The following AKAP17A variants were observed in gnomAD, a reference collection of about 807,000 sequenced individuals.
AKAP17A encodes A-kinase anchoring protein 17A, also known as A-kinase anchor protein 17A.
A neutral mutation model predicts 52.2 loss-of-function variants in AKAP17A; 15 were observed. That is an observed-to-expected ratio of 0.29 (90% confidence interval 0.19 to 0.44). The LOEUF (loss-of-function observed/expected upper bound fraction) is 0.44, where lower values mean the gene tolerates loss of function less well. AKAP17A is among the 20% of genes least tolerant of loss of function. The pLI is 1.00. For missense variants in AKAP17A, 1,060 were observed against 1,007.0 expected (o/e 1.05, Z -0.71); for synonymous variants, 514 against 424.7 (o/e 1.21, Z -2.58).
chrX:1,598,160 T>G lies in AKAP17A; in HGVS notation c.912-1032T>G, dbSNP rs1438087952. ...CCTAAGGGCGTGCTGTGTGCTGGGC[T>G]GCCCTGAGCCGCCCTCCGAGCTCGT... On this transcript the variant is annotated intron_variant, in intron 3 of 4. Transcript: ENST00000313871. Among the ~76,000 whole-genome samples, 18 of 152,308 alleles carry G rather than the reference T, an allele frequency of 1.2e-4. 1 individual carries two copies. The East Asian group carries it at 1.4e-3, about 11-fold the overall frequency.
Position 1,594,205 on chromosome X carries a change from C to T in AKAP17A, c.743C>T (p.Ala248Val). 6.5e-7 allele frequency: 1 copy of T among 1,543,110 alleles called. No individual in the cohort carries two copies. The change falls in exon 2 of 5, where the codon GCC becomes GTC. Residue 248 changes from alanine to valine, a missense_variant. Ala to Val is a moderately conservative substitution (Grantham distance 64). Transcript: ENST00000313871. ...KLMYKGEDGK[A>V]VACNIKVSFD... is the part of the protein sequence containing the mutation. ...ATGTACAAGGGCGAGGACGGCAAGG[C>T]CGTGGCCTGCAACATCAAGGTGAGT...
chrX:1,597,133 G>A (rs774132839), intron 3 of AKAP17A, among the ~76,000 whole-genome samples: 116 of 152,336 alleles, frequency 7.6e-4, no homozygotes, highest in Admixed American at 3.1e-3. Context: ...GCTGGTGCCA[G>A]CGTGTTGATG....
chrX:1,600,239 C>A, intron 4 of AKAP17A: 5 of 1,289,606 alleles, frequency 3.9e-6, no homozygotes, highest in Admixed American at 2.3e-5. Flanking sequence ...CCAGGCTAGG[C>A]CAGGCTCGCC....
chrX:1,600,866 G>T lies in AKAP17A; in HGVS notation c.1360G>T (p.Asp454Tyr). 3 of 1,588,524 alleles carry T rather than the reference G, an allele frequency of 1.9e-6. No individual in the cohort carries two copies. Among genetic ancestry groups the T allele is most frequent in the Non-Finnish European group, 2.6e-6 (3 of 1,171,688 alleles). Residue 454 changes from aspartate to tyrosine, a missense_variant, in exon 5 of 5, where the codon GAC becomes TAC. Coordinates refer to ENST00000313871, the MANE Select transcript of AKAP17A (RefSeq NM_005088.3). ...GAAGCCGGACGACAGCCACACACAC[G>T]ACGAGCTGGGCGTGGCACACGCCGA... Reference protein sequence around the residue: ...SKKPDDSHTHDELGVAHADLL... With the variant: ...SKKPDDSHTHYELGVAHADLL...
chrX:1,595,632 G>T, intron 3 of AKAP17A, 100 bp downstream of exon 3: 1 of 1,541,966 alleles, frequency 6.5e-7, no homozygotes, highest in Non-Finnish European at 8.9e-7. Context: ...GTGCGTGTGT[G>T]TGTGCATGCA....
At chrX:1,598,346 G>A (rs190094432) in intron 3 of AKAP17A, among the ~76,000 whole-genome samples, 3 of 152,130 alleles carry the variant, frequency 2.0e-5, no homozygotes, top group African/African-American at 7.2e-5. Flanking sequence ...TTTTCTCCCG[G>A]CCTGCTCCTC....
intron 3 of AKAP17A, among the ~76,000 whole-genome samples, chrX:1,597,151 C>G (rs1196479937): frequency 6.6e-6 from 1 of 152,162 alleles, no homozygotes; most frequent in Non-Finnish European, 1.5e-5. Context: ...ATGTGTGTGG[C>G]TGGTGATGTT....
chrX:1,595,430 A>T lies in AKAP17A; in HGVS notation c.809A>T (p.Lys270Met), dbSNP rs1201032108. The change falls in exon 3 of 5, where the codon AAG becomes ATG. Residue 270 changes from lysine (K) to methionine (M), a missense_variant. Physicochemically the swap from Lys to Met is moderately conservative, Grantham distance 95. Transcript: ENST00000313871. ...TKHLSDASIK[K>M]RQLERQKLQE... ...CACCTGAGTGATGCCTCAATTAAGA[A>T]GCGGCAGCTGGAGAGGCAGAAGCTT... 4 of 1,613,898 alleles carry T rather than the reference A, an allele frequency of 2.5e-6. No individual in the cohort carries two copies. The highest frequency in any genetic ancestry group is 3.4e-6 in the Non-Finnish European group (4 of 1,179,896).
Position 1,593,960 on chromosome X carries a change from C to T in AKAP17A, c.498C>T (p.Ser166=), listed in dbSNP as rs139798435. 6.2e-4 allele frequency: 998 copies of T among 1,604,268 alleles called. 6 individuals are homozygous for T. In the African/African-American group the frequency reaches 0.012, roughly 19 times the overall value. Residue 166 remains serine, a synonymous_variant, in exon 2 of 5, where the codon TCC becomes TCT. Coordinates refer to ENST00000313871, the MANE Select transcript of AKAP17A (RefSeq NM_005088.3). ...GGTTCGCCCTGAAGGAGTCGGGCTC[C>T]GAGAAGCCCAGCGAGGACGTCCTGG... ...CKWFALKESG[S]EKPSEDVLVK...
chrX:1,594,358 C>T, intron 2 of AKAP17A, 134 bp downstream of exon 2: 1 of 1,063,756 alleles, frequency 9.4e-7, no homozygotes, highest in East Asian at 2.7e-5. Flanking sequence ...CAGCAACAGT[C>T]CTGTGCCTGT....
chrX:1,595,258 C>CT, intron 2 of AKAP17A, 126 bp from the exon 3 acceptor site: 1 of 215,866 alleles, frequency 4.6e-6, no homozygotes, highest in Non-Finnish European at 7.0e-6. Context: ...GAGTGGTGAG[C>CT]GGTGAGCGGT....
rs1472391263 is a variant in AKAP17A, at chrX:1,599,073, G to A, written c.912-119G>A. On this transcript the variant is annotated intron_variant, in intron 3 of 4. Coordinates refer to ENST00000313871, the MANE Select transcript of AKAP17A (RefSeq NM_005088.3). ...ACCGAGGTCCACCTTGGGATAAAGA[G>A]TTAAATGCTTAATCGTTGGACCGTG... The A allele has an allele frequency of 9.5e-6, 14 of 1,475,286 alleles. No individual in the cohort carries two copies. The South Asian group carries it at 1.8e-4, about 19-fold the overall frequency. 91.4% of individuals were successfully genotyped at this position (1,475,286 alleles called of 1,614,324 possible).
rs1193996202 is a variant in AKAP17A, at chrX:1,593,443, G to C, written c.-19-1G>C. On this transcript the variant is annotated splice_acceptor_variant, in intron 1 of 4. Coordinates refer to ENST00000313871, the MANE Select transcript of AKAP17A (RefSeq NM_005088.3). LOFTEE classifies it low-confidence loss of function (5UTR_SPLICE). ...CTGACTGTCTGCGTCTTATGTTTCA[G>C]GCCCAAGGTCCCGGAGGCTATGGCA... 1 of 1,603,126 alleles carries C rather than the reference G, an allele frequency of 6.2e-7. No homozygotes were observed. Among genetic ancestry groups the C allele is most frequent in the African/African-American group, 1.3e-5 (1 of 74,858 alleles).
In AKAP17A at chrX:1,600,754, C is replaced by T. The variant is rs372006825; in HGVS notation, c.1248C>T (p.Arg416=). Residue 416 remains arginine, a synonymous_variant, in exon 5 of 5, where the codon CGC becomes CGT. Coordinates refer to ENST00000313871, the MANE Select transcript of AKAP17A (RefSeq NM_005088.3). Reference sequence around the variant, plus strand: ...GGCTGCAGGAGGCCGAGCTGCGGCGCGTGGAGGAGGAGAAGGAGCGCGCGC... The same window carrying T: ...GGCTGCAGGAGGCCGAGCTGCGGCGTGTGGAGGAGGAGAAGGAGCGCGCGC... ...RRRLQEAELR[R]VEEEKERALG... is the part of the protein sequence containing the mutation. The T allele has an allele frequency of 7.7e-6, 12 of 1,558,130 alleles. No homozygotes were observed. The highest frequency in any genetic ancestry group is 2.7e-5 in the African/African-American group (2 of 73,832).
intron 4 of AKAP17A, 122 bp from the exon 5 acceptor site, chrX:1,600,537 A>G (rs1933302613): frequency 2.8e-6 from 3 of 1,053,356 alleles, no homozygotes; most frequent in South Asian, 1.7e-5. Context: ...GCTGGAGTCC[A>G]GCCAGGCCGC....
intron 3 of AKAP17A, among the ~76,000 whole-genome samples, chrX:1,598,142 G>T (rs1461406046): frequency 2.0e-5 from 3 of 152,202 alleles, no homozygotes; most frequent in Non-Finnish European, 2.9e-5. Flanking sequence ...CCGCCTAAGG[G>T]CGTGCTGTGT....
rs141304165 is a variant in AKAP17A, at chrX:1,601,428, C to T, written c.1922C>T (p.Pro641Leu). Reference protein sequence around the residue: ...DDSPRRRSTSPDHTRSRRSHS... With the variant: ...DDSPRRRSTSLDHTRSRRSHS... ...AGCCCCCGCCGGCGCAGCACGAGCC[C>T]GGACCACACCCGGTCCCGGAGGTCC... Residue 641 changes from proline to leucine, a missense_variant, in exon 5 of 5, where the codon CCG becomes CTG. Pro to Leu is a moderately conservative substitution (Grantham distance 98). Transcript: ENST00000313871. The T allele has an allele frequency of 3.5e-4, 548 of 1,571,338 alleles. 8 individuals carry two copies. The East Asian group carries it at 9.4e-3, about 27-fold the overall frequency.
At position 1,600,233 on chromosome X, in the gene AKAP17A, G is replaced by A; in HGVS notation, c.1153-426G>A. ...GTGAATATTGAAGACACTAACCCAG[G>A]CTAGGCCAGGCTCGCCCCGCAGCTA... On this transcript the variant is annotated intron_variant, in intron 4 of 4. Transcript: ENST00000313871. 14 of 1,305,948 alleles carry A rather than the reference G, an allele frequency of 1.1e-5. No individual in the cohort carries two copies. The South Asian group carries it at 1.7e-4, about 16-fold the overall frequency. 80.9% of individuals were successfully genotyped at this position (1,305,948 alleles called of 1,614,324 possible).
At chrX:1,597,003 C>A (rs186180502) in intron 3 of AKAP17A, among the ~76,000 whole-genome samples, 9 of 151,576 alleles carry the variant, frequency 5.9e-5, no homozygotes, top group Admixed American at 2.0e-4. Context: ...ACGTCTGTTG[C>A]GCTTCATGTC....
Sources: allele counts gnomAD v4.1 joint callset (sites outside exome capture counted in the v4.1 genomes callset), GRCh38; gene constraint gnomAD v4.1.1; transcripts MANE v1.5; gene names NCBI Gene and HGNC (gene_info 2026-07-23, HGNC 2026-07-21).